The following SLC12A8 variants were observed in gnomAD, a reference collection of about 807,000 sequenced individuals.
SLC12A8 encodes solute carrier family 12 member 8.
SLC12A8 carries 69 observed loss-of-function variants against 75.6 expected under a neutral mutation model. That is an observed-to-expected ratio of 0.91 (90% CI 0.75 to 1.11). SLC12A8 has a LOEUF of 1.11. SLC12A8 is among the 50% of genes most tolerant of loss of function. The probability of loss-of-function intolerance (pLI) is 0.00; values close to 1 mark genes in which losing one functional copy is unlikely to be tolerated. For synonymous variants in SLC12A8, 365 were observed against 372.8 expected, an observed-to-expected ratio of 0.98 and a Z score of 0.24; for missense variants, 877 against 896.7, an observed-to-expected ratio of 0.98 and a Z score of 0.28.
chr3:125,146,981 T>C (rs1933791639), intron 5 of SLC12A8, among the ~76,000 whole-genome samples: 1 of 152,006 alleles, frequency 6.6e-6, no homozygotes, highest in South Asian at 2.1e-4. Flanking sequence ...GGGGTTTAGG[T>C]GGAAAGGACC....
intron 8 of SLC12A8, among the ~76,000 whole-genome samples, chr3:125,112,512 C>A (rs1416622927): frequency 6.6e-6 from 1 of 152,134 alleles, no homozygotes. Context: ...CCCCTTCCCC[C>A]AGCACCTCAT....
chr3:125,161,164 T>C (rs1388113249), intron 5 of SLC12A8, among the ~76,000 whole-genome samples: 2 of 152,192 alleles, frequency 1.3e-5, no homozygotes, highest in Non-Finnish European at 2.9e-5. Context: ...TTTTAAAACA[T>C]ATGCCTAAGC....
At chr3:125,203,160 A>G (rs1935161596) in intron 2 of SLC12A8, among the ~76,000 whole-genome samples, 1 of 151,864 alleles carries the variant, frequency 6.6e-6, no homozygotes, top group Non-Finnish European at 1.5e-5. Context: ...TACTATGCAA[A>G]GCAATCTACA....
At chr3:125,103,459 TAAAAAAAAAA>T (rs34404091) in intron 10 of SLC12A8, among the ~76,000 whole-genome samples, 3 of 120,902 alleles carry the variant, frequency 2.5e-5, no homozygotes, top group East Asian at 2.4e-4. Context: ...GTACTTCACT[TAAAAAAAAAA>T]AAAAAAAAAA....
chr3:125,123,126 G>T (rs529674168), intron 6 of SLC12A8, among the ~76,000 whole-genome samples: 1 of 152,240 alleles, frequency 6.6e-6, no homozygotes, highest in South Asian at 2.1e-4. Flanking sequence ...TTTAATCCCA[G>T]CATTTTGGGA....
At chr3:125,140,704 T>G (rs1360489322) in intron 5 of SLC12A8, among the ~76,000 whole-genome samples, 1 of 152,144 alleles carries the variant, frequency 6.6e-6, no homozygotes, top group Non-Finnish European at 1.5e-5. Flanking sequence ...TTCCTTTTTT[T>G]TTTTCTTTTC....
intron 5 of SLC12A8, among the ~76,000 whole-genome samples, chr3:125,156,105 C>T (rs1055113547): frequency 3.9e-5 from 6 of 152,190 alleles, no homozygotes; most frequent in East Asian, 1.9e-4. Flanking sequence ...CATGCTCTCA[C>T]GGGGCATGTG....
chr3:125,135,395 A>G (rs1311102762), intron 6 of SLC12A8, among the ~76,000 whole-genome samples: 2 of 152,214 alleles, frequency 1.3e-5, no homozygotes, highest in Non-Finnish European at 2.9e-5. Flanking sequence ...GGATTAAATC[A>G]TATCGAAGGC....
At chr3:125,101,863 T>C (rs1342700190) in intron 10 of SLC12A8, among the ~76,000 whole-genome samples, 1 of 152,266 alleles carries the variant, frequency 6.6e-6, no homozygotes, top group Non-Finnish European at 1.5e-5. Context: ...TTTGCTCAAT[T>C]GCTCATCAAT....
At chr3:125,176,812 AAGTC>A (rs1269259883) in intron 5 of SLC12A8, among the ~76,000 whole-genome samples, 1 of 144,250 alleles carries the variant, frequency 6.9e-6, no homozygotes, top group Admixed American at 6.9e-5. Context: ...AATCATTAAA[AAGTC>A]AGGAAACAAC....
At chr3:125,119,646 T>C (rs923127755) in intron 7 of SLC12A8, among the ~76,000 whole-genome samples, 1 of 152,254 alleles carries the variant, frequency 6.6e-6, no homozygotes, top group Non-Finnish European at 1.5e-5. Flanking sequence ...TCTATCTCTG[T>C]TGTCTTCATT....
intron 4 of SLC12A8, among the ~76,000 whole-genome samples, chr3:125,186,673 C>T (rs531468797): frequency 1.5e-4 from 23 of 152,354 alleles, no homozygotes; most frequent in African/African-American, 2.6e-4. Flanking sequence ...CGCTCGTTTT[C>T]GGAGTGCCTC....
chr3:125,143,552 A>T (rs1933699292), intron 5 of SLC12A8, among the ~76,000 whole-genome samples: 1 of 152,214 alleles, frequency 6.6e-6, no homozygotes, highest in Non-Finnish European at 1.5e-5. Flanking sequence ...CCACCCAGAG[A>T]GAAAATACAC....
At chr3:125,173,452 CAAAAAAAAAA>C (rs61001520) in intron 5 of SLC12A8, among the ~76,000 whole-genome samples, 6 of 79,626 alleles carry the variant, frequency 7.5e-5, no homozygotes, top group African/African-American at 2.7e-4. Context: ...ATTCATGAGC[CAAAAAAAAAA>C]AAAAAAAAAA....
intron 4 of SLC12A8, among the ~76,000 whole-genome samples, chr3:125,184,802 T>C (rs1030587341): frequency 1.3e-5 from 2 of 151,380 alleles, no homozygotes; most frequent in Admixed American, 6.6e-5. Flanking sequence ...AGAGCAGAAA[T>C]GAATTAGGGA....
intron 10 of SLC12A8, among the ~76,000 whole-genome samples, chr3:125,102,433 T>C (rs1180958232): frequency 1.3e-5 from 2 of 152,228 alleles, no homozygotes; most frequent in Non-Finnish European, 2.9e-5. Flanking sequence ...TCTGGGACTT[T>C]ACACGGAAGG....
At chr3:125,161,114 A>G (rs1236418267) in intron 5 of SLC12A8, among the ~76,000 whole-genome samples, 1 of 152,190 alleles carries the variant, frequency 6.6e-6, no homozygotes, top group Non-Finnish European at 1.5e-5. Flanking sequence ...TGGGCTTCCC[A>G]TCCTCTTGTC....
At chr3:125,100,400 A>G (rs1318474067) in intron 10 of SLC12A8, among the ~76,000 whole-genome samples, 1 of 151,782 alleles carries the variant, frequency 6.6e-6, no homozygotes, top group African/African-American at 2.4e-5. Context: ...ATGCAATTAT[A>G]TATATTTATT....
chr3:125,083,817 CT>C lies in SLC12A8; in HGVS notation c.*72del, dbSNP rs1232577705. The C allele has an allele frequency of 6.9e-7, 1 of 1,451,464 alleles. No individual in the cohort carries two copies. The highest frequency in any genetic ancestry group is 1.4e-5 in the African/African-American group (1 of 70,922). 89.9% of individuals were successfully genotyped at this position (1,451,464 alleles called of 1,614,324 possible). On this transcript the variant is annotated 3_prime_UTR_variant, in exon 14 of 14. Transcript: ENST00000469902. ...TGAGTTTCTCAGGTTGGAGAAGCAG[CT>C]CCACGAAGGTCCTGAGCTTGGGTCC...
Sources: gnomAD v4.1 joint callset for allele counts (sites outside exome capture counted in the v4.1 genomes callset) on GRCh38, gnomAD v4.1.1 for gene constraint, MANE v1.5 for transcripts, NCBI Gene and HGNC (gene_info 2026-07-23, HGNC 2026-07-21) for gene names.